Variants in LNPEP observed in about 807,000 individuals in gnomAD.
LNPEP encodes leucyl-cystinyl aminopeptidase.
In LNPEP, 64 loss-of-function variants were observed where a neutral mutation model predicts 120.6. The observed-to-expected ratio is 0.53, with a 90% CI of 0.43 to 0.65. The LOEUF (loss-of-function observed/expected upper bound fraction) is 0.65. Among genes scored for constraint, LNPEP ranks in the 30% least tolerant of loss-of-function variants. LNPEP has a pLI of 0.00. For synonymous variants in LNPEP, 435 were observed against 425.4 expected (o/e 1.02, Z -0.28); for missense variants, 1,057 against 1,200.0 (o/e 0.88, Z 1.76).
chr5:96,986,474 CAGTT>C (rs1419236343), intron 3 of LNPEP, 61 bp from the exon 4 acceptor site: 2 of 1,465,862 alleles, frequency 1.4e-6, no homozygotes, highest in East Asian at 2.3e-5. Context: ...TTCAGTTTCT[CAGTT>C]TGTTTGTTAT....
intron 1 of LNPEP, chr5:96,943,166 G>T: frequency 2.0e-6 from 1 of 496,614 alleles, no homozygotes; most frequent in South Asian, 5.5e-5. Context: ...AGTTGAGGTT[G>T]AAGTCACCAT....
At chr5:96,969,649 G>C (rs1049309181) in intron 1 of LNPEP, among the ~76,000 whole-genome samples, 1 of 151,890 alleles carries the variant, frequency 6.6e-6, no homozygotes, top group African/African-American at 2.4e-5. Flanking sequence ...ATATGAGTTA[G>C]AGCCGTCCAC....
intron 11 of LNPEP, among the ~76,000 whole-genome samples, chr5:97,007,766 C>T (rs1790820900): frequency 6.6e-6 from 1 of 152,030 alleles, no homozygotes; most frequent in African/African-American, 2.4e-5. Context: ...TAAAATATTG[C>T]CTTAATTAAA....
chr5:96,943,430 G>A (rs2112558456), intron 1 of LNPEP, among the ~76,000 whole-genome samples: 1 of 152,250 alleles, frequency 6.6e-6, no homozygotes, highest in South Asian at 2.1e-4. Context: ...GGGACCACAG[G>A]TGCACACCAC....
chr5:96,970,610 AT>A (rs140336797), intron 1 of LNPEP, among the ~76,000 whole-genome samples: 1 of 151,148 alleles, frequency 6.6e-6, no homozygotes, highest in South Asian at 2.1e-4. Context: ...TCCTTTATTC[AT>A]TTTTTTTGGA....
chr5:96,996,363 T>G (rs1353858976), intron 6 of LNPEP, 27 bp from the exon 7 acceptor site: 2 of 1,227,530 alleles, frequency 1.6e-6, no homozygotes, highest in East Asian at 2.4e-5. Context: ...AAATATCCTG[T>G]GGGTTAATTG....
intron 1 of LNPEP, among the ~76,000 whole-genome samples, chr5:96,947,624 C>T (rs949275270): frequency 2.0e-5 from 3 of 152,100 alleles, no homozygotes; most frequent in African/African-American, 4.8e-5. Flanking sequence ...TCTGTAGAAT[C>T]GACAATGTGT....
At chr5:97,023,073 C>G (rs987823116) in intron 14 of LNPEP, among the ~76,000 whole-genome samples, 1 of 152,018 alleles carries the variant, frequency 6.6e-6, no homozygotes, top group Admixed American at 6.6e-5. Flanking sequence ...CTCACTCCCT[C>G]TCCCCACCAG....
chr5:96,961,388 A>G (rs1293567897), intron 1 of LNPEP, among the ~76,000 whole-genome samples: 2 of 152,174 alleles, frequency 1.3e-5, no homozygotes, highest in Non-Finnish European at 2.9e-5. Context: ...TTTAAAAATT[A>G]AAAAAAGAAA....
rs1790447447 is a variant in LNPEP at position 96,993,800 on chromosome 5, T to C, written c.1253-17T>C. 1.2e-6 allele frequency: 2 copies of C among 1,612,216 alleles called. No homozygotes were observed. The highest frequency in any genetic ancestry group is 1.3e-5 in the African/African-American group (1 of 74,858). On this transcript the variant is annotated splice_polypyrimidine_tract_variant and intron_variant, in intron 5 of 17. Coordinates refer to ENST00000231368, the MANE Select transcript of LNPEP (RefSeq NM_005575.3). ...AAGATGAGGGAAAGTTGATCACTTA[T>C]TTCCTGTTATGTCCAGATTTGGTGG...
intron 5 of LNPEP, among the ~76,000 whole-genome samples, chr5:96,993,539 C>T (rs1174543614): frequency 3.9e-5 from 6 of 152,134 alleles, no homozygotes; most frequent in Admixed American, 1.3e-4. Context: ...TGAACTTTGT[C>T]CTTCTTGCTC....
chr5:96,967,966 C>T (rs554068347), intron 1 of LNPEP, among the ~76,000 whole-genome samples: 11 of 152,084 alleles, frequency 7.2e-5, no homozygotes, highest in East Asian at 5.8e-4. Flanking sequence ...CAGCATAAAC[C>T]GGGCCTTGAG....
At chr5:96,994,823 G>C (rs771353002) in intron 6 of LNPEP, among the ~76,000 whole-genome samples, 2 of 152,158 alleles carry the variant, frequency 1.3e-5, no homozygotes, top group Admixed American at 6.6e-5. Flanking sequence ...TAAAAATAGG[G>C]CATGGGCCAG....
intron 1 of LNPEP, among the ~76,000 whole-genome samples, chr5:96,971,345 TTGTGTGTGTGTGTGTG>T (rs3076561): frequency 6.3e-5 from 9 of 142,920 alleles, no homozygotes; most frequent in African/African-American, 1.6e-4. Context: ...ACATTATTAT[TTGTGTGTGTGTGTGTG>T]TGTGTGTGTG....
rs149522480 is a variant in LNPEP at position 97,028,780 on chromosome 5, G to A, written c.*247G>A. On this transcript the variant is annotated 3_prime_UTR_variant, in exon 18 of 18. Coordinates refer to ENST00000231368, the MANE Select transcript of LNPEP (RefSeq NM_005575.3). ...TGCCAACCATCTACAAAAACAATGA[G>A]TAATTTTTCTACTTTGAAGATACAC... 1.2e-5 allele frequency: 4 copies of A among 333,836 alleles called. No homozygotes were observed. Among genetic ancestry groups the A allele is most frequent in the African/African-American group, 4.3e-5 (2 of 46,226 alleles). The allele number at this position is 333,836 out of a possible 1,614,324, so 20.7% of individuals were successfully genotyped here.
chr5:96,957,435 G>A (rs1789495736), intron 1 of LNPEP, among the ~76,000 whole-genome samples: 1 of 152,136 alleles, frequency 6.6e-6, no homozygotes, highest in Non-Finnish European at 1.5e-5. Context: ...ATAATGAAGA[G>A]GAGTTAGGTT....
At chr5:96,999,225 G>A (rs1790587269) in intron 8 of LNPEP, among the ~76,000 whole-genome samples, 1 of 152,202 alleles carries the variant, frequency 6.6e-6, no homozygotes, top group South Asian at 2.1e-4. Context: ...GTAGATTTAA[G>A]TGGGGAGAAA....
rs549341025 is a variant in LNPEP at position 96,960,510 on chromosome 5, G to T, written c.20-18628G>T. Among the ~76,000 whole-genome samples, 8 of 152,208 alleles carry T rather than the reference G, an allele frequency of 5.3e-5. No individual in the cohort carries two copies. In the South Asian group the frequency reaches 1.7e-3, roughly 32 times the overall value. On this transcript the variant is annotated intron_variant, in intron 1 of 17. Transcript: ENST00000231368. ...TTTAGGCAAATTGGTCACATTCTAGGGTGTGGGTTGGCGGGTTTCATTCTC... is the reference window on the plus strand; with the variant it reads ...TTTAGGCAAATTGGTCACATTCTAGTGTGTGGGTTGGCGGGTTTCATTCTC...
At chr5:96,993,304 ATAT>A (rs201273179) in intron 5 of LNPEP, among the ~76,000 whole-genome samples, 169 bp downstream of exon 5, 82,032 of 151,636 alleles carry the variant, frequency 0.54, 22,231 homozygotes, top group Admixed American at 0.59. Flanking sequence ...GATTTCATGA[ATAT>A]ATCTGAAGTT....
Sources: allele counts gnomAD v4.1 joint callset (sites outside exome capture counted in the v4.1 genomes callset), GRCh38; gene constraint gnomAD v4.1.1; transcripts MANE v1.5; gene names NCBI Gene and HGNC (gene_info 2026-07-23, HGNC 2026-07-21).